The following RIT2 variants were observed in gnomAD, a reference collection of about 807,000 sequenced individuals.
RIT2 encodes Ras like without CAAX 2.
In RIT2, 24 loss-of-function variants were observed where a neutral mutation model predicts 23.7. That is an observed-to-expected ratio of 1.01 (90% CI 0.73 to 1.43). The LOEUF (loss-of-function observed/expected upper bound fraction) is 1.43. RIT2 is among the 40% of genes most tolerant of loss of function. RIT2 has a pLI of 0.00. For missense variants in RIT2, 236 were observed against 266.9 expected (o/e 0.88, Z 0.81); for synonymous variants, 107 against 91.1 (o/e 1.17, Z -0.99).
intron 3 of RIT2, among the ~76,000 whole-genome samples, chr18:42,954,602 A>G (rs1409213836): frequency 1.3e-5 from 2 of 151,942 alleles, no homozygotes; most frequent in African/African-American, 4.8e-5. Flanking sequence ...ATCGGATTTT[A>G]GTTTTTTGAG....
chr18:43,086,514 TA>T (rs1913285980), intron 1 of RIT2, among the ~76,000 whole-genome samples: 1 of 152,100 alleles, frequency 6.6e-6, no homozygotes, highest in Non-Finnish European at 1.5e-5. Context: ...GGGTAAAACG[TA>T]AATGTAACTG....
intron 4 of RIT2, among the ~76,000 whole-genome samples, chr18:42,900,552 T>C (rs1010131199): frequency 3.3e-5 from 5 of 152,106 alleles, no homozygotes; most frequent in African/African-American, 9.6e-5. Flanking sequence ...AGGGTTTCTT[T>C]TGATGGAATT....
chr18:43,013,733 C>T (rs917762609), intron 2 of RIT2, among the ~76,000 whole-genome samples: 2 of 151,622 alleles, frequency 1.3e-5, no homozygotes, highest in African/African-American at 2.4e-5. Context: ...CTGCAATTTT[C>T]GGTATCAAAT....
intron 4 of RIT2, among the ~76,000 whole-genome samples, chr18:42,757,365 G>A (rs1014660807): frequency 1.3e-5 from 2 of 152,096 alleles, no homozygotes; most frequent in African/African-American, 4.8e-5. Context: ...TGGAATCTAG[G>A]GACCAGAGTA....
intron 3 of RIT2, among the ~76,000 whole-genome samples, chr18:42,943,056 G>T (rs746310366): frequency 6.6e-6 from 1 of 152,064 alleles, no homozygotes; most frequent in Non-Finnish European, 1.5e-5. Context: ...GCAGCAGCAA[G>T]ATTTACAGTG....
intron 1 of RIT2, among the ~76,000 whole-genome samples, chr18:43,086,851 G>A (rs1351950447): frequency 6.6e-6 from 1 of 152,208 alleles, no homozygotes; most frequent in Non-Finnish European, 1.5e-5. Context: ...CTGAGAAAGA[G>A]TAGGTCTAAA....
intron 4 of RIT2, among the ~76,000 whole-genome samples, chr18:42,843,390 G>C (rs949755016): frequency 1.3e-5 from 2 of 152,138 alleles, no homozygotes; most frequent in Non-Finnish European, 2.9e-5. Flanking sequence ...GATATCAAAA[G>C]AAAGCAATGA....
chr18:43,035,556 T>A (rs1598755797), intron 1 of RIT2, among the ~76,000 whole-genome samples: 1 of 152,314 alleles, frequency 6.6e-6, no homozygotes, highest in East Asian at 1.9e-4. Flanking sequence ...CATCTTTTCA[T>A]AACCCAGATT....
At chr18:43,053,754 A>C (rs1407977045) in intron 1 of RIT2, among the ~76,000 whole-genome samples, 3 of 152,146 alleles carry the variant, frequency 2.0e-5, no homozygotes, top group Non-Finnish European at 2.9e-5. Flanking sequence ...TACATGGATT[A>C]GTAAAAAATT....
intron 1 of RIT2, among the ~76,000 whole-genome samples, chr18:43,046,735 G>A (rs1235120954): frequency 6.6e-6 from 1 of 152,154 alleles, no homozygotes; most frequent in African/African-American, 2.4e-5. Flanking sequence ...CCACTTGTCT[G>A]TATAAAACCA....
At chr18:42,866,478 ACT>A (rs1907472234) in intron 4 of RIT2, among the ~76,000 whole-genome samples, 1 of 151,886 alleles carries the variant, frequency 6.6e-6, no homozygotes, top group Non-Finnish European at 1.5e-5. Context: ...AGCTCTGATA[ACT>A]CTCTGATCTA....
intron 2 of RIT2, among the ~76,000 whole-genome samples, chr18:42,992,378 G>A (rs190738598): frequency 2.9e-4 from 44 of 152,086 alleles, no homozygotes; most frequent in East Asian, 1.9e-4. Flanking sequence ...GGTGCCTGAC[G>A]TCCAGGCATT....
intron 4 of RIT2, among the ~76,000 whole-genome samples, chr18:42,865,530 A>C (rs1907447909): frequency 6.6e-6 from 1 of 152,224 alleles, no homozygotes; most frequent in African/African-American, 2.4e-5. Flanking sequence ...TGAGTCACTC[A>C]TTCACTCAAT....
At chr18:42,777,044 T>C (rs952796313) in intron 4 of RIT2, among the ~76,000 whole-genome samples, 28 of 152,064 alleles carry the variant, frequency 1.8e-4, no homozygotes, top group Non-Finnish European at 4.0e-4. Context: ...ACTTTGAACA[T>C]ATTGTTCCCA....
intron 4 of RIT2, among the ~76,000 whole-genome samples, chr18:42,763,233 C>A (rs1913343200): frequency 6.6e-6 from 1 of 152,140 alleles, no homozygotes; most frequent in Non-Finnish European, 1.5e-5. Flanking sequence ...GAGGCCAAGG[C>A]AGGTGGATCA....
intron 4 of RIT2, among the ~76,000 whole-genome samples, chr18:42,790,507 A>G (rs1914018755): frequency 6.6e-6 from 1 of 152,310 alleles, no homozygotes; most frequent in South Asian, 2.1e-4. Context: ...CAGTGGCGCC[A>G]TCTCGGCTCA....
intron 4 of RIT2, chr18:42,920,690 T>C: frequency 6.3e-7 from 1 of 1,586,004 alleles, no homozygotes; most frequent in Non-Finnish European, 8.6e-7. Flanking sequence ...CAGGCACCTA[T>C]TCTTACCAAA....
intron 4 of RIT2, among the ~76,000 whole-genome samples, chr18:42,874,756 C>CA (rs1555643937): frequency 6.6e-6 from 1 of 151,832 alleles, no homozygotes; most frequent in African/African-American, 2.4e-5. Flanking sequence ...GAGGATCTGA[C>CA]TTTTTTTTAG....
At chr18:42,888,148 C>T (rs148828712) in intron 4 of RIT2, among the ~76,000 whole-genome samples, 434 of 151,466 alleles carry the variant, frequency 2.9e-3, no homozygotes, top group African/African-American at 9.6e-3. Context: ...ATGTAAACTA[C>T]GGGCTTTGGG....
Sources: gnomAD v4.1 joint callset for allele counts (sites outside exome capture counted in the v4.1 genomes callset) on GRCh38, gnomAD v4.1.1 for gene constraint, MANE v1.5 for transcripts, NCBI Gene and HGNC (gene_info 2026-07-23, HGNC 2026-07-21) for gene names.